The following TRIM5 variants were observed in gnomAD, a reference collection of about 807,000 sequenced individuals.
TRIM5 encodes tripartite motif containing 5, also known as tripartite motif-containing protein 5.
TRIM5 carries 31 observed loss-of-function variants against 35.6 expected under a neutral mutation model. The ratio of observed to expected loss-of-function variants is 0.87; its 90% CI spans 0.65 to 1.18. The LOEUF (loss-of-function observed/expected upper bound fraction) is 1.18. Among genes scored for constraint, TRIM5 ranks in the 50% most tolerant of loss-of-function variants. The probability of loss-of-function intolerance (pLI) is 0.00; values close to 1 mark genes in which losing one functional copy is unlikely to be tolerated. For synonymous variants in TRIM5, 243 were observed against 215.6 expected, an observed-to-expected ratio of 1.13 and a Z score of -1.11; for missense variants, 609 against 591.6, an observed-to-expected ratio of 1.03 and a Z score of -0.31.
In TRIM5 at chr11:5,664,772, A is replaced by T; in HGVS notation, c.*37T>A. ...GGTGTATGAGATGCACCTGGACAAG[A>T]GGTGCTGTACAGAAGGGGCTGAGTG... On this transcript the variant is annotated 3_prime_UTR_variant, in exon 8 of 8. Transcript: ENST00000380034. 6.5e-7 allele frequency: 1 copy of T among 1,531,088 alleles called. No individual in the cohort carries two copies. The highest frequency in any genetic ancestry group is 1.4e-5 in the African/African-American group (1 of 72,044). 94.8% of individuals were successfully genotyped at this position (1,531,088 alleles called of 1,614,324 possible).
the TRIM5 span, among the ~76,000 whole-genome samples, chr11:5,618,598 C>G: frequency 6.6e-6 from 1 of 152,212 alleles, no homozygotes; most frequent in Admixed American, 6.5e-5. Flanking sequence ...ACACCACAGT[C>G]AGGAATGTCA....
the TRIM5 span, chr11:5,634,945 G>C: frequency 6.8e-7 from 1 of 1,473,394 alleles, no homozygotes; most frequent in Non-Finnish European, 9.1e-7. Flanking sequence ...GTGACACTAA[G>C]GGGTTTCTTT....
chr11:5,680,212 G>A lies in TRIM5; in HGVS notation c.-35C>T, dbSNP rs781219427. 1.3e-6 allele frequency: 2 copies of A among 1,542,774 alleles called. No homozygotes were observed. Among genetic ancestry groups the A allele is most frequent in the Non-Finnish European group, 1.8e-6 (2 of 1,142,726 alleles). On this transcript the variant is annotated 5_prime_UTR_variant, in exon 2 of 8. Transcript: ENST00000380034. ...TCCACTGCTCCTGCCTGTCCTGGCT[G>A]CTGAGGTTCCTCTTGTTCACAGATC... is the stretch of plus-strand genomic sequence containing the variant.
chr11:5,604,702 G>A, the TRIM5 span: 5 of 1,483,830 alleles, frequency 3.4e-6, no homozygotes, highest in South Asian at 5.5e-5. Flanking sequence ...GGGCAAAGGA[G>A]TCCTTGTCCT....
chr11:5,602,302 A>G, the TRIM5 span, among the ~76,000 whole-genome samples: 131 of 152,086 alleles, frequency 8.6e-4, no homozygotes, highest in African/African-American at 2.3e-3. Context: ...AATTAGCCGG[A>G]CATAGTGGCA....
At chr11:5,603,312 A>G in the TRIM5 span, 2 of 1,614,062 alleles carry the variant, frequency 1.2e-6, no homozygotes, top group Non-Finnish European at 1.7e-6. Context: ...GAGTAGCTAC[A>G]ATGACTTCAC....
At chr11:5,674,000 AAACTC>A (rs1455727359) in intron 4 of TRIM5, among the ~76,000 whole-genome samples, 2 of 152,140 alleles carry the variant, frequency 1.3e-5, no homozygotes, top group East Asian at 3.8e-4. Context: ...GAACAACAAA[AAACTC>A]AACGAAAAAG....
At chr11:5,634,472 A>G in the TRIM5 span, among the ~76,000 whole-genome samples, 3 of 147,406 alleles carry the variant, frequency 2.0e-5, no homozygotes, top group Non-Finnish European at 4.5e-5. Flanking sequence ...ATACAAATAT[A>G]TATATACAGA....
chr11:5,594,564 C>A, the TRIM5 span, among the ~76,000 whole-genome samples: 2 of 152,122 alleles, frequency 1.3e-5, 1 homozygote, highest in African/African-American at 4.8e-5. Flanking sequence ...ACCTCGGCCT[C>A]CCAAAATGCT....
chr11:5,604,045 G>C, the TRIM5 span, among the ~76,000 whole-genome samples: 1 of 152,080 alleles, frequency 6.6e-6, no homozygotes, highest in African/African-American at 2.4e-5. Context: ...GCCCAGGTTG[G>C]AGTGCAGTGG....
the TRIM5 span, chr11:5,610,243 G>C: frequency 6.2e-7 from 1 of 1,614,160 alleles, no homozygotes; most frequent in South Asian, 1.1e-5. Context: ...CGAGTGTGTA[G>C]AGGTAAGGAG....
chr11:5,666,192 G>T, intron 5 of TRIM5, 111 bp from the exon 6 acceptor site: 1 of 905,602 alleles, frequency 1.1e-6, no homozygotes. Flanking sequence ...CTCTCTTCTT[G>T]GGGATCCTGA....
At chr11:5,661,128 T>G (rs1228879767), downstream of TRIM5, among the ~76,000 whole-genome samples, 1 of 148,212 alleles carries the variant, frequency 6.7e-6, no homozygotes, top group Non-Finnish European at 1.5e-5. Context: ...AGATTTAACT[T>G]ATGTATCTTA....
At chr11:5,603,675 G>T in the TRIM5 span, 1 of 1,613,420 alleles carries the variant, frequency 6.2e-7, no homozygotes, top group Non-Finnish European at 8.5e-7. Flanking sequence ...TTTGTGAGCG[G>T]TCTCAGGAGC....
chr11:5,605,980 C>T, the TRIM5 span, among the ~76,000 whole-genome samples: 1 of 152,084 alleles, frequency 6.6e-6, no homozygotes, highest in African/African-American at 2.4e-5. Context: ...GCAGCACCAC[C>T]CCAGATGTGA....
the TRIM5 span, among the ~76,000 whole-genome samples, chr11:5,655,229 T>G: frequency 4.0e-5 from 6 of 151,478 alleles, no homozygotes; most frequent in Admixed American, 3.9e-4. Context: ...TTTTCTTGCC[T>G]TTAGGAAACT....
At chr11:5,636,900 A>C in the TRIM5 span, among the ~76,000 whole-genome samples, 1 of 152,218 alleles carries the variant, frequency 6.6e-6, no homozygotes, top group Non-Finnish European at 1.5e-5. Context: ...TAATCCCAGC[A>C]CTTTGGGAGG....
the TRIM5 span, among the ~76,000 whole-genome samples, chr11:5,618,643 A>G: frequency 0.42 from 63,532 of 152,026 alleles, 13,764 homozygotes; most frequent in East Asian, 0.75. Flanking sequence ...GAGAAAATTA[A>G]CCTAGATGAT....
At chr11:5,605,103 T>C in the TRIM5 span, 1 of 564,996 alleles carries the variant, frequency 1.8e-6, no homozygotes, top group Non-Finnish European at 3.1e-6. Flanking sequence ...GGAATCACAG[T>C]TGATGTCTAG....
Sources: gnomAD v4.1 joint callset for allele counts (sites outside exome capture counted in the v4.1 genomes callset) on GRCh38, gnomAD v4.1.1 for gene constraint, MANE v1.5 for transcripts, NCBI Gene and HGNC (gene_info 2026-07-23, HGNC 2026-07-21) for gene names.